The following OR2C1 variants were observed in gnomAD, a reference collection of about 807,000 sequenced individuals.
OR2C1 encodes olfactory receptor 2C1.
For synonymous variants in OR2C1, 209 were observed against 167.3 expected (o/e 1.25, Z -1.92); for missense variants, 468 against 388.3 (o/e 1.21, Z -1.73).
At chr16:3,351,034 CAA>C (rs1172796202), upstream of OR2C1, among the ~76,000 whole-genome samples, 551 of 49,508 alleles carry the variant, frequency 0.011, 1 homozygote, top group African/African-American at 0.032. Context: ...GACCCTGACT[CAA>C]AAAAAAAAAA....
chr16:3,338,613 C>A, the OR2C1 span, among the ~76,000 whole-genome samples: 1 of 146,626 alleles, frequency 6.8e-6, no homozygotes, highest in Admixed American at 7.2e-5. Context: ...TCTCGGCTCA[C>A]TGCAAGCTCC....
At chr16:3,343,659 G>A in the OR2C1 span, among the ~76,000 whole-genome samples, 1 of 152,118 alleles carries the variant, frequency 6.6e-6, no homozygotes, top group African/African-American at 2.4e-5. Context: ...GGCTAAGCAG[G>A]GAGAATTGCT....
chr16:3,353,557 T>C (rs1008387061), upstream of OR2C1, among the ~76,000 whole-genome samples: 1 of 150,468 alleles, frequency 6.6e-6, no homozygotes, highest in African/African-American at 2.5e-5. Context: ...TCCCAACACT[T>C]TGGGAGGCCA....
the OR2C1 span, among the ~76,000 whole-genome samples, chr16:3,336,417 A>G: frequency 6.6e-6 from 1 of 151,916 alleles, no homozygotes; most frequent in East Asian, 1.9e-4. Context: ...GCTGCAGTGC[A>G]GTGGCGTGAT....
chr16:3,329,169 G>GACACACACACAAACAC, the OR2C1 span, among the ~76,000 whole-genome samples: 2 of 115,090 alleles, frequency 1.7e-5, no homozygotes, highest in Admixed American at 1.9e-4. Flanking sequence ...TGGGAGGGAA[G>GACACACACACAAACAC]ACACACACAC....
chr16:3,344,823 C>T, the OR2C1 span, among the ~76,000 whole-genome samples: 1 of 152,102 alleles, frequency 6.6e-6, no homozygotes, highest in African/African-American at 2.4e-5. Flanking sequence ...TAGACTGCTA[C>T]AACCCCTTTG....
At chr16:3,341,653 C>G in the OR2C1 span, among the ~76,000 whole-genome samples, 14 of 152,170 alleles carry the variant, frequency 9.2e-5, no homozygotes, top group African/African-American at 3.4e-4. Context: ...ATGAAGGATA[C>G]AGATGATAGC....
the OR2C1 span, chr16:3,323,515 A>G: frequency 1.3e-6 from 1 of 745,264 alleles, no homozygotes; most frequent in Non-Finnish European, 2.4e-6. Context: ...CCCAGATCAC[A>G]TAAGGTTCCA....
At chr16:3,330,282 A>AT in the OR2C1 span, among the ~76,000 whole-genome samples, 2 of 148,052 alleles carry the variant, frequency 1.4e-5, no homozygotes, top group Non-Finnish European at 3.0e-5. Context: ...AATTTTTTGT[A>AT]TTTTTTTTCT....
upstream of OR2C1, among the ~76,000 whole-genome samples, chr16:3,353,983 C>CTTTT (rs1001983184): frequency 1.7e-5 from 2 of 115,492 alleles, no homozygotes; most frequent in East Asian, 2.3e-4. Context: ...CTTTTCTTTT[C>CTTTT]TTTTTTTTTT....
At chr16:3,327,030 T>A in the OR2C1 span, among the ~76,000 whole-genome samples, 1 of 152,306 alleles carries the variant, frequency 6.6e-6, no homozygotes, top group South Asian at 2.1e-4. Flanking sequence ...GTAACCGAAA[T>A]AATTCTAATA....
chr16:3,347,872 A>G, the OR2C1 span, among the ~76,000 whole-genome samples: 1 of 6,412 alleles, frequency 1.6e-4, no homozygotes, highest in Non-Finnish European at 3.8e-4. Flanking sequence ...GCACACACAC[A>G]CGCACATGCA....
chr16:3,323,612 G>C, the OR2C1 span: 1 of 737,640 alleles, frequency 1.4e-6, no homozygotes, highest in Non-Finnish European at 2.5e-6. Flanking sequence ...TGCAATGGCT[G>C]TCTGCACCAG....
At chr16:3,347,391 T>G in the OR2C1 span, among the ~76,000 whole-genome samples, 1 of 151,878 alleles carries the variant, frequency 6.6e-6, no homozygotes, top group East Asian at 1.9e-4. Context: ...CCAGACCCTG[T>G]CTCTAATTAA....
chr16:3,336,896 C>T, the OR2C1 span, among the ~76,000 whole-genome samples: 5 of 151,028 alleles, frequency 3.3e-5, no homozygotes, highest in African/African-American at 1.2e-4. Context: ...TTAGTAGAGA[C>T]AGGGTTTCTA....
chr16:3,336,708 C>CTTTTTTTTTTTTTTTTTTTTTTTT, the OR2C1 span, among the ~76,000 whole-genome samples: 1 of 93,768 alleles, frequency 1.1e-5, no homozygotes, highest in Admixed American at 1.4e-4. Context: ...TTCTTTCTTT[C>CTTTTTTTTTTTTTTTTTTTTTTTT]TTTCTTTTTT....
At chr16:3,345,862 C>CCCTA in the OR2C1 span, among the ~76,000 whole-genome samples, 2 of 140,790 alleles carry the variant, frequency 1.4e-5, 1 homozygote, top group Non-Finnish European at 3.1e-5. Context: ...CTCCCTCCCT[C>CCCTA]TCTCTTTCGC....
chr16:3,347,788 A>G, the OR2C1 span, among the ~76,000 whole-genome samples: 5 of 151,546 alleles, frequency 3.3e-5, no homozygotes, highest in Admixed American at 1.3e-4. Flanking sequence ...ACACACGCAC[A>G]CACACATGCA....
the OR2C1 span, among the ~76,000 whole-genome samples, chr16:3,349,901 C>CA: frequency 8.7e-4 from 128 of 146,500 alleles, 2 homozygotes; most frequent in South Asian, 0.012. Context: ...GATTCCGTCT[C>CA]AAAAAAAAAA....
Sources: allele counts gnomAD v4.1 joint callset (sites outside exome capture counted in the v4.1 genomes callset), GRCh38; gene constraint gnomAD v4.1.1; transcripts MANE v1.5; gene names NCBI Gene and HGNC (gene_info 2026-07-23, HGNC 2026-07-21).